CACNA1A: variants seen among roughly 807,000 people sequenced by gnomAD.
CACNA1A encodes voltage-dependent P/Q-type calcium channel subunit alpha-1A.
Under a neutral mutation model 262.4 loss-of-function variants are expected in CACNA1A, and 57 were observed. The ratio of observed to expected loss-of-function variants is 0.22; its 90% CI spans 0.18 to 0.27. The LOEUF is 0.27. Ranked by LOEUF, CACNA1A falls within the 10% of genes least tolerant of loss-of-function variation. The pLI is 1.00. For missense variants in CACNA1A, 2,526 were observed against 3,562.8 expected (o/e 0.71, Z 7.41); for synonymous variants, 1,431 against 1,419.3 (o/e 1.01, Z -0.18).
intron 3 of CACNA1A, among the ~76,000 whole-genome samples, chr19:13,444,374 T>A (rs2060774052): frequency 6.6e-6 from 1 of 152,152 alleles, no homozygotes; most frequent in African/African-American, 2.4e-5. Flanking sequence ...GCTGTTTACA[T>A]GTGAAGGCAA....
Position 13,409,001 on chromosome 19 carries a change from C to T in CACNA1A, c.540-37222G>A, listed in dbSNP as rs559345512. Among the ~76,000 whole-genome samples the T allele has an allele frequency of 8.6e-4, 131 of 152,252 alleles. 2 individuals are homozygous for T. Among genetic ancestry groups the T allele is most frequent in the Admixed American group, 2.4e-3 (36 of 15,278 alleles). ...CATACCGACTTCATGCTGACTGTTTCGGCTTCGTGACATAGCCTGGCTCGT... is the reference window on the plus strand; with the variant it reads ...CATACCGACTTCATGCTGACTGTTTTGGCTTCGTGACATAGCCTGGCTCGT... On this transcript the variant is annotated intron_variant, in intron 3 of 46. Transcript: ENST00000360228.
rs2144502754 is a variant in CACNA1A at position 13,208,956 on chromosome 19, C to T, written c.6580G>A (p.Glu2194Lys). 6.5e-7 allele frequency: 1 copy of T among 1,537,624 alleles called. No homozygotes were observed. The highest frequency in any genetic ancestry group is 8.7e-7 in the Non-Finnish European group (1 of 1,146,896). ...GGCCGGCCCCGCTCCTGGTCCCGCTCCTTCGACGGCAGGTCCCCGGATTGG... is the reference window on the plus strand; with the variant it reads ...GGCCGGCCCCGCTCCTGGTCCCGCTTCTTCGACGGCAGGTCCCCGGATTGG... Reference protein sequence around the residue: ...TTQSGDLPSKERDQERGRPKD... With the variant: ...TTQSGDLPSKKRDQERGRPKD... Residue 2194 changes from glutamate to lysine, a missense_variant, in exon 46 of 47, where the codon GAG becomes AAG. Physicochemically the swap from Glu to Lys is moderately conservative, Grantham distance 56. This residue lies in a region of CACNA1A where 929 missense variants were observed against 868.1 expected (regional missense o/e 1.07). Transcript: ENST00000360228.
At chr19:13,471,337 T>C (rs1372944304) in intron 1 of CACNA1A, among the ~76,000 whole-genome samples, 1 of 152,100 alleles carries the variant, frequency 6.6e-6, no homozygotes, top group Non-Finnish European at 1.5e-5. Context: ...CCCTCCCTAA[T>C]CCCATGTCTC....
intron 3 of CACNA1A, among the ~76,000 whole-genome samples, chr19:13,429,797 A>C (rs2060472002): frequency 1.3e-5 from 2 of 151,628 alleles, no homozygotes; most frequent in African/African-American, 4.9e-5. Flanking sequence ...AAAAGAAGGA[A>C]ATTCTGACTC....
intron 10 of CACNA1A, among the ~76,000 whole-genome samples, chr19:13,321,574 C>T (rs1463065584): frequency 2.0e-5 from 3 of 152,140 alleles, no homozygotes; most frequent in African/African-American, 4.8e-5. Context: ...ACCCAGGCTA[C>T]GTGGTTTGTA....
Position 13,300,502 on chromosome 19 carries a change from T to C in CACNA1A, c.2279+48A>G, listed in dbSNP as rs780612649. ...TCCCAAATCTGTGCCTGGGATAGTGTGGACGTTCAGGAGCCAGGGTAGCAT... is the reference window on the plus strand; with the variant it reads ...TCCCAAATCTGTGCCTGGGATAGTGCGGACGTTCAGGAGCCAGGGTAGCAT... On this transcript the variant is annotated intron_variant, in intron 18 of 46. Coordinates refer to ENST00000360228, the MANE Select transcript of CACNA1A (RefSeq NM_001127222.2). 10 of 1,308,336 alleles carry C rather than the reference T, an allele frequency of 7.6e-6. No homozygotes were observed. In the East Asian group the frequency reaches 9.2e-5, roughly 12 times the overall value. The allele number at this position is 1,308,336 out of a possible 1,614,324, so 81.0% of individuals were successfully genotyped here.
chr19:13,336,594 G>GGAGAGAGAGGGAGGGA (rs1555768093), intron 6 of CACNA1A, among the ~76,000 whole-genome samples: 1 of 65,494 alleles, frequency 1.5e-5, no homozygotes, highest in African/African-American at 5.1e-5. Context: ...AGAGAGAGAG[G>GGAGAGAGAGGGAGGGA]GAGAGAGAGA....
At chr19:13,281,948 G>C (rs914784278) in intron 22 of CACNA1A, among the ~76,000 whole-genome samples, 5 of 152,194 alleles carry the variant, frequency 3.3e-5, no homozygotes, top group Admixed American at 6.5e-5. Context: ...CCTGCCGAAG[G>C]CAACGCCTTC....
chr19:13,372,718 C>G lies in CACNA1A; in HGVS notation c.540-939G>C, dbSNP rs190632783. Among the ~76,000 whole-genome samples, 120 of 152,300 alleles carry G rather than the reference C, an allele frequency of 7.9e-4. No homozygotes were observed. The Middle Eastern group carries it at 0.01, about 13-fold the overall frequency. ...AGCACAATGCCAGGCACACAGGTTA[C>G]CGGTATGCTAACCTATTCAGAAATA... On this transcript the variant is annotated intron_variant, in intron 3 of 46. Coordinates refer to ENST00000360228, the MANE Select transcript of CACNA1A (RefSeq NM_001127222.2).
At chr19:13,386,380 A>AT (rs1286727692) in intron 3 of CACNA1A, among the ~76,000 whole-genome samples, 3 of 151,898 alleles carry the variant, frequency 2.0e-5, no homozygotes, top group Non-Finnish European at 4.4e-5. Context: ...CTGGAAAAGG[A>AT]TTTTTTCCCC....
intron 12 of CACNA1A, among the ~76,000 whole-genome samples, chr19:13,310,022 C>T (rs989406491): frequency 2.6e-5 from 4 of 152,160 alleles, no homozygotes; most frequent in African/African-American, 9.7e-5. Flanking sequence ...TACTTTCTGT[C>T]TCTATGGATT....
intron 1 of CACNA1A, among the ~76,000 whole-genome samples, chr19:13,490,386 C>T (rs189119552): frequency 2.4e-4 from 37 of 152,226 alleles, no homozygotes; most frequent in African/African-American, 3.9e-4. Context: ...AGGAGGATCA[C>T]GAGGTCAAGA....
rs1242931809 is a variant in CACNA1A at position 13,206,458 on chromosome 19, T to A, written c.*855A>T. 6.6e-6 allele frequency: 1 copy of A among 152,236 alleles called. No homozygotes were observed. The highest frequency in any genetic ancestry group is 2.4e-5 in the African/African-American group (1 of 41,374). 9.4% of individuals were successfully genotyped at this position (152,236 alleles called of 1,614,324 possible). On this transcript the variant is annotated 3_prime_UTR_variant, in exon 47 of 47. Coordinates refer to ENST00000360228, the MANE Select transcript of CACNA1A (RefSeq NM_001127222.2). ...CAAAAGCCCTTTGATTCAACTTTTTTTTATTTTTTTTTTCTTTTTGAATGT... is the reference window on the plus strand; with the variant it reads ...CAAAAGCCCTTTGATTCAACTTTTTATTATTTTTTTTTTCTTTTTGAATGT...
intron 31 of CACNA1A, among the ~76,000 whole-genome samples, chr19:13,240,714 CTG>C (rs2056052912): frequency 6.8e-6 from 1 of 147,294 alleles, no homozygotes; most frequent in Admixed American, 6.8e-5. Flanking sequence ...TGCATAGTGA[CTG>C]TGTGCAGTGA....
chr19:13,294,543 A>T (rs1036272608), intron 19 of CACNA1A, among the ~76,000 whole-genome samples: 6 of 124,434 alleles, frequency 4.8e-5, no homozygotes, highest in African/African-American at 1.9e-4. Flanking sequence ...CCCAGGCTGG[A>T]GTGCAGTGGT....
Position 13,505,985 on chromosome 19 carries a change from G to C in CACNA1A, c.240C>G (p.Leu80=). The change falls in exon 1 of 47, where the codon CTC becomes CTG. Residue 80 remains leucine (L), a synonymous_variant. Transcript: ENST00000360228. ...TTCTCACCACGTTGTCTTCGCTGAA[G>C]AGGAAGAGAGACCGGTTAACCGTGA... ...NCLTVNRSLF[L]FSEDNVVRKY... 6.2e-7 allele frequency: 1 copy of C among 1,613,996 alleles called. No homozygotes were observed. The highest frequency in any genetic ancestry group is 8.5e-7 in the Non-Finnish European group (1 of 1,179,884).
intron 3 of CACNA1A, among the ~76,000 whole-genome samples, chr19:13,448,177 A>G (rs929066180): frequency 1.2e-4 from 18 of 152,214 alleles, no homozygotes; most frequent in African/African-American, 4.3e-4. Context: ...TATGCAGCCA[A>G]GAAAAAGAAC....
intron 3 of CACNA1A, chr19:13,450,232 G>A (rs2060891404): frequency 6.6e-6 from 1 of 151,556 alleles, no homozygotes; most frequent in Non-Finnish European, 1.5e-5. Context: ...CATTCTTCTG[G>A]TCACCTTCTC....
In CACNA1A at chr19:13,207,273, G is replaced by A; in HGVS notation, c.*40C>T. 2.0e-6 allele frequency: 3 copies of A among 1,510,722 alleles called. No homozygotes were observed. In the South Asian group the frequency reaches 3.6e-5, roughly 18 times the overall value. The allele number at this position is 1,510,722 out of a possible 1,614,324, so 93.6% of individuals were successfully genotyped here. On this transcript the variant is annotated 3_prime_UTR_variant, in exon 47 of 47. Coordinates refer to ENST00000360228, the MANE Select transcript of CACNA1A (RefSeq NM_001127222.2). This position sits in a 1 kb window ranked among gnomAD's most constrained non-coding sequence, Gnocchi z 5.7. ...GCTCCTCGGGTGGGGTGTGTGCGTG[G>A]GGTGCGTGGGGGGCCGGGCGGGCGC...
Sources: gnomAD v4.1 joint callset for allele counts (sites outside exome capture counted in the v4.1 genomes callset) on GRCh38, gnomAD v4.1.1 for gene constraint, gnomAD v4.1.1 regional missense constraint, Gnocchi (gnomAD v3.1) non-coding constraint, MANE v1.5 for transcripts, NCBI Gene and HGNC (gene_info 2026-07-23, HGNC 2026-07-21) for gene names.